BCOR: variants seen among roughly 807,000 people sequenced by gnomAD.
BCOR encodes BCL-6 corepressor.
BCOR carries 10 observed loss-of-function variants against 86.7 expected under a neutral mutation model. The ratio of observed to expected loss-of-function variants is 0.12; its 90% CI spans 0.07 to 0.20. The LOEUF (loss-of-function observed/expected upper bound fraction) is 0.20, where lower values mean the gene tolerates loss of function less well. Among genes scored for constraint, BCOR ranks in the 10% least tolerant of loss-of-function variants. BCOR has a pLI of 1.00. For synonymous variants in BCOR, 611 were observed against 609.0 expected (o/e 1.00, Z -0.05); for missense variants, 1,259 against 1,452.1 (o/e 0.87, Z 2.16).
rs2147252314 is a variant in BCOR, at chrX:40,074,244, G to C, written c.1102C>G (p.Pro368Ala). The C allele has an allele frequency of 8.2e-7, 1 of 1,212,251 alleles. No homozygotes were observed. Among genetic ancestry groups the C allele is most frequent in the Non-Finnish European group, 1.1e-6 (1 of 895,581 alleles). Reference sequence around the variant, plus strand: ...TATGGCTTTGACAGGGCAACTGAAGGAGAGGTGGAGATCCTGGCATAGTGC... The same window carrying C: ...TATGGCTTTGACAGGGCAACTGAAGCAGAGGTGGAGATCCTGGCATAGTGC... ...HKHYARISTS[P>A]SVALSKPYMT... The change falls in exon 4 of 15, where the codon CCT becomes GCT. Residue 368 changes from proline (P) to alanine (A), a missense_variant. Transcript: ENST00000378444.
In BCOR at chrX:40,077,962, C is replaced by T. The variant is rs749877584; in HGVS notation, c.-33G>A. The T allele has an allele frequency of 2.7e-5, 31 of 1,130,769 alleles. No homozygotes were observed. The highest frequency in any genetic ancestry group is 2.7e-4 in the East Asian group (9 of 33,488). The allele number at this position is 1,130,769 out of a possible 1,213,427, so 93.2% of individuals were successfully genotyped here. A position where few individuals can be genotyped will look rare whatever the true frequency, so the allele number is the denominator to read the frequency against. ...TCTGGGATGGCAGCTTTGCTTCAAG[C>T]GTCTAGTCTGTTAAAAGGAAAGAAA... On this transcript the variant is annotated 5_prime_UTR_variant, in exon 2 of 15. Coordinates refer to ENST00000378444, the MANE Select transcript of BCOR (RefSeq NM_001123385.2).
chrX:40,141,911 T>C (rs1485894096), intron 1 of BCOR, among the ~76,000 whole-genome samples: 2 of 111,128 alleles, frequency 1.8e-5, no homozygotes, highest in African/African-American at 6.6e-5. Flanking sequence ...GGTTGCCCTC[T>C]GGCCTCGATG....
At chrX:40,071,404 T>C (rs1342515941) in intron 5 of BCOR, among the ~76,000 whole-genome samples, 1 of 112,181 alleles carries the variant, frequency 8.9e-6, no homozygotes, top group Non-Finnish European at 1.9e-5. Flanking sequence ...GATGTGTATG[T>C]ATATCCACAC....
chrX:40,116,319 A>G (rs1011268182), intron 1 of BCOR, among the ~76,000 whole-genome samples: 4 of 110,473 alleles, frequency 3.6e-5, no homozygotes, highest in Admixed American at 2.9e-4. Flanking sequence ...AACACCGTGA[A>G]ACCCCGTCTC....
At chrX:40,096,585 T>A (rs1052663286) in intron 1 of BCOR, among the ~76,000 whole-genome samples, 2 of 111,048 alleles carry the variant, frequency 1.8e-5, no homozygotes, top group Non-Finnish European at 3.8e-5. Context: ...CCTCCCGAGT[T>A]GCGCGGCAGC....
intron 1 of BCOR, among the ~76,000 whole-genome samples, chrX:40,117,880 C>A (rs1220326246): frequency 9.0e-6 from 1 of 110,999 alleles, no homozygotes; most frequent in African/African-American, 3.3e-5. Context: ...GAGGCCAGTA[C>A]TACTGCCCTC....
At chrX:40,066,170 C>A (rs1030428664) in intron 6 of BCOR, among the ~76,000 whole-genome samples, 2 of 111,783 alleles carry the variant, frequency 1.8e-5, no homozygotes, top group African/African-American at 6.5e-5. Context: ...ACCCAAGCCC[C>A]CACCATGGAA....
rs1469852475 is a variant in BCOR, at chrX:40,051,506, C to T, written c.*603G>A. ...AGCATAAAATGTTTAAACATATAAA[C>T]AATCCGGTTTGATGCGTGAAAACTA... On this transcript the variant is annotated 3_prime_UTR_variant, in exon 15 of 15. Coordinates refer to ENST00000378444, the MANE Select transcript of BCOR (RefSeq NM_001123385.2). 1 of 172,132 alleles carries T rather than the reference C, an allele frequency of 5.8e-6. No individual in the cohort carries two copies. The highest frequency in any genetic ancestry group is 3.0e-5 in the African/African-American group (1 of 33,872). The allele number at this position is 172,132 out of a possible 1,213,427, so 14.2% of individuals were successfully genotyped here.
chrX:40,076,360 A>C, intron 3 of BCOR, 94 bp downstream of exon 3: 1 of 691,964 alleles, frequency 1.4e-6, no homozygotes. Context: ...CCCCTCCCCC[A>C]TTCCCCACCC....
At chrX:40,166,226 C>T (rs747169543) in intron 1 of BCOR, among the ~76,000 whole-genome samples, 1 of 112,114 alleles carries the variant, frequency 8.9e-6, no homozygotes, top group African/African-American at 3.2e-5. Context: ...GTGAATAAGA[C>T]AGTCCCTCCC....
intron 1 of BCOR, among the ~76,000 whole-genome samples, chrX:40,144,197 G>A (rs1359183064): frequency 8.9e-6 from 1 of 111,894 alleles, no homozygotes; most frequent in Non-Finnish European, 1.9e-5. Context: ...GAGTCTTCAC[G>A]TGGCCTGACT....
rs777625955 is a variant in BCOR at position 40,073,629 on chromosome X, C to T, written c.1717G>A (p.Ala573Thr). 3 of 1,212,091 alleles carry T rather than the reference C, an allele frequency of 2.5e-6. No individual in the cohort carries two copies. Among genetic ancestry groups the T allele is most frequent in the Admixed American group, 4.3e-5 (2 of 46,136 alleles). Reference sequence around the variant, plus strand: ...GTGCCATCTGCATTGGCATTGGGGGCGGGTGATGCGGAGGCTGGGCGGCCT... The same window carrying T: ...GTGCCATCTGCATTGGCATTGGGGGTGGGTGATGCGGAGGCTGGGCGGCCT... Reference protein sequence around the residue: ...SAGRPASASPAPNANADGTKT... With the variant: ...SAGRPASASPTPNANADGTKT... The change falls in exon 4 of 15, where the codon GCC becomes ACC. Residue 573 changes from alanine (A) to threonine (T), a missense_variant. This residue lies in a region of BCOR where 534 missense variants were observed against 594.8 expected (regional missense o/e 0.90). Transcript: ENST00000378444.
At chrX:40,154,096 G>T (rs1477782864) in intron 1 of BCOR, among the ~76,000 whole-genome samples, 3 of 111,324 alleles carry the variant, frequency 2.7e-5, no homozygotes, top group Non-Finnish European at 5.7e-5. Flanking sequence ...CCGAGCGTTC[G>T]CTGGCTGCTC....
chrX:40,134,643 T>TA (rs1937644523), intron 1 of BCOR, among the ~76,000 whole-genome samples: 1 of 110,583 alleles, frequency 9.0e-6, no homozygotes, highest in African/African-American at 3.3e-5. Flanking sequence ...CACCAAAAAA[T>TA]AAAAAAGGCA....
intron 1 of BCOR, among the ~76,000 whole-genome samples, chrX:40,135,642 G>A (rs1402870301): frequency 3.7e-4 from 41 of 110,958 alleles, no homozygotes; most frequent in African/African-American, 1.2e-3. Context: ...TGCCTGCCTC[G>A]GCCTCCGAAA....
intron 1 of BCOR, among the ~76,000 whole-genome samples, chrX:40,127,546 A>C (rs1937557087): frequency 9.0e-6 from 1 of 111,483 alleles, no homozygotes; most frequent in Admixed American, 9.6e-5. Flanking sequence ...ATTGAAATAT[A>C]CTCTAGAAGA....
Position 40,073,211 on chromosome X carries a change from T to C in BCOR, c.2135A>G (p.Glu712Gly), listed in dbSNP as rs1935575869. 1 of 1,212,042 alleles carries C rather than the reference T, an allele frequency of 8.3e-7. No individual in the cohort carries two copies. The highest frequency in any genetic ancestry group is 1.1e-6 in the Non-Finnish European group (1 of 895,544). The change falls in exon 4 of 15, where the codon GAG becomes GGG. Residue 712 changes from glutamate (E) to glycine (G), a missense_variant. By Grantham distance (98) the Glu-to-Gly change is moderately conservative. Around this residue, in one of 7 missense-constraint regions of BCOR, gnomAD observed 534 missense variants for 594.8 expected, o/e 0.90. Transcript: ENST00000378444. ...LPYGLPTGRP[E>G]FVTYQDALGL... ...CAGGGCATCTTGGTAGGTCACAAAC[T>C]CTGGACGGCCGGTGGGAAGCCCATA...
intron 1 of BCOR, among the ~76,000 whole-genome samples, chrX:40,120,671 G>C (rs753116493): frequency 8.9e-6 from 1 of 111,832 alleles, no homozygotes; most frequent in South Asian, 3.7e-4. Context: ...TGGGTGCCAG[G>C]TGCTGCTCCA....
chrX:40,063,730 T>C lies in BCOR; in HGVS notation c.3725A>G (p.Gln1242Arg), dbSNP rs768062133. Residue 1242 changes from glutamine to arginine, a missense_variant, in exon 8 of 15, where the codon CAG becomes CGG. Physicochemically the swap from Gln to Arg is conservative, Grantham distance 43. Coordinates refer to ENST00000378444, the MANE Select transcript of BCOR (RefSeq NM_001123385.2). ...QSRKEVTQAT[Q>R]PEAIPQGTNI... ...AGTCCCCTGAGGAATGGCCTCAGGC[T>C]GAGTGGCCTGGGTCACTTCCTTCCT... is the stretch of plus-strand genomic sequence containing the variant. The C allele has an allele frequency of 1.7e-6, 2 of 1,211,790 alleles. No individual in the cohort carries two copies. The highest frequency in any genetic ancestry group is 2.2e-6 in the Non-Finnish European group (2 of 895,275).
Sources: gnomAD v4.1 joint callset for allele counts (sites outside exome capture counted in the v4.1 genomes callset) on GRCh38, gnomAD v4.1.1 for gene constraint, gnomAD v4.1.1 regional missense constraint, MANE v1.5 for transcripts, NCBI Gene and HGNC (gene_info 2026-07-23, HGNC 2026-07-21) for gene names.